RNF180: variants seen among roughly 807,000 people sequenced by gnomAD.
The protein encoded by RNF180 is E3 ubiquitin-protein ligase RNF180.
RNF180 carries 38 observed loss-of-function variants against 59.2 expected under a neutral mutation model. The observed-to-expected ratio is 0.64, with a 90% CI of 0.50 to 0.84. RNF180 has a LOEUF of 0.84. Ranked by LOEUF, RNF180 falls within the 40% of genes least tolerant of loss-of-function variation. The probability of loss-of-function intolerance (pLI) is 0.00; values close to 1 mark genes in which losing one functional copy is unlikely to be tolerated. For synonymous variants in RNF180, 262 were observed against 240.3 expected (o/e 1.09, Z -0.84); for missense variants, 705 against 700.9 (o/e 1.01, Z -0.07).
In RNF180 at chr5:64,371,373, C is replaced by G. The variant is rs929015123; in HGVS notation, c.*1559C>G. The G allele has an allele frequency of 6.6e-6, 1 of 151,498 alleles. No homozygotes were observed. The highest frequency in any genetic ancestry group is 2.4e-5 in the African/African-American group (1 of 41,368). The allele number at this position is 151,498 out of a possible 1,614,324, so 9.4% of individuals were successfully genotyped here. ...TTGAAAACACACATATGAGGAGTTG[C>G]ATTATTTTAAGAACTTTAAATTGCA... is the stretch of plus-strand genomic sequence containing the variant. On this transcript the variant is annotated 3_prime_UTR_variant, in exon 8 of 8. Coordinates refer to ENST00000389100, the MANE Select transcript of RNF180 (RefSeq NM_001113561.2).
intron 5 of RNF180, among the ~76,000 whole-genome samples, chr5:64,260,604 C>T (rs1192885534): frequency 2.6e-5 from 4 of 152,132 alleles, no homozygotes; most frequent in Non-Finnish European, 4.4e-5. Context: ...CTTAGGTGGA[C>T]TTGCCTATTT....
intron 5 of RNF180, among the ~76,000 whole-genome samples, chr5:64,224,062 GGT>G (rs10694125): frequency 0.15 from 21,083 of 141,058 alleles, 1,474 homozygotes; most frequent in South Asian, 0.17. Flanking sequence ...TCTAGGTTGG[GGT>G]GTGTGTGTGT....
intron 5 of RNF180, among the ~76,000 whole-genome samples, chr5:64,292,778 T>G (rs1042272577): frequency 1.3e-5 from 2 of 152,146 alleles, no homozygotes; most frequent in African/African-American, 4.8e-5. Flanking sequence ...CCCATGGGGC[T>G]TCATTCCATA....
At chr5:64,337,754 G>GTGTT (rs1745191718) in intron 7 of RNF180, among the ~76,000 whole-genome samples, 1 of 149,406 alleles carries the variant, frequency 6.7e-6, no homozygotes. Flanking sequence ...AGAACATGCG[G>GTGTT]TGTTTGGTTT....
intron 5 of RNF180, among the ~76,000 whole-genome samples, chr5:64,263,298 C>T (rs1250869738): frequency 1.3e-5 from 2 of 152,092 alleles, no homozygotes; most frequent in Non-Finnish European, 2.9e-5. Flanking sequence ...CAGTGAGAAG[C>T]CCCAATTTGT....
chr5:64,177,675 T>C (rs1053505900), intron 1 of RNF180, among the ~76,000 whole-genome samples: 28 of 151,836 alleles, frequency 1.8e-4, no homozygotes, highest in Middle Eastern at 3.4e-3. Flanking sequence ...ACTCTGATAC[T>C]CTGGTATAAA....
chr5:64,326,562 T>A (rs531552700), intron 6 of RNF180, among the ~76,000 whole-genome samples: 13 of 152,168 alleles, frequency 8.5e-5, no homozygotes, highest in Non-Finnish European at 1.3e-4. Context: ...GTTTGTAACC[T>A]TTTAACAGTT....
At chr5:64,311,861 A>G (rs528487991) in intron 5 of RNF180, among the ~76,000 whole-genome samples, 574 of 152,132 alleles carry the variant, frequency 3.8e-3, no homozygotes, top group Non-Finnish European at 6.7e-3. Flanking sequence ...CCCTGAGGAT[A>G]GGGTTTTTCC....
chr5:64,351,300 T>G (rs1373317652), intron 7 of RNF180, among the ~76,000 whole-genome samples: 2 of 152,188 alleles, frequency 1.3e-5, no homozygotes, highest in Non-Finnish European at 2.9e-5. Flanking sequence ...AAGGAGATTT[T>G]GGGCTGAGAT....
chr5:64,360,001 G>A (rs1746185698), intron 7 of RNF180, among the ~76,000 whole-genome samples: 1 of 151,998 alleles, frequency 6.6e-6, no homozygotes, highest in Non-Finnish European at 1.5e-5. Context: ...CTATATCTCT[G>A]TTTTGGTACC....
At chr5:64,350,262 TG>T (rs1452060183) in intron 7 of RNF180, among the ~76,000 whole-genome samples, 11 of 152,286 alleles carry the variant, frequency 7.2e-5, no homozygotes, top group African/African-American at 2.4e-4. Context: ...GTGATGGGGT[TG>T]TTTTTTTTCT....
At chr5:64,250,492 T>A (rs1034937938) in intron 5 of RNF180, among the ~76,000 whole-genome samples, 1 of 151,880 alleles carries the variant, frequency 6.6e-6, no homozygotes, top group Admixed American at 6.6e-5. Context: ...GGGGTTTTTT[T>A]AAAGAGAAAA....
chr5:64,167,050 C>T (rs1749683054), intron 1 of RNF180, among the ~76,000 whole-genome samples: 1 of 152,140 alleles, frequency 6.6e-6, no homozygotes, highest in Non-Finnish European at 1.5e-5. Context: ...TCATTTGAGT[C>T]GTAGAAAGAA....
intron 7 of RNF180, among the ~76,000 whole-genome samples, chr5:64,335,993 T>G (rs949946625): frequency 1.3e-5 from 2 of 152,184 alleles, no homozygotes; most frequent in Non-Finnish European, 2.9e-5. Flanking sequence ...CTAGATTTAT[T>G]CCCATGTACT....
At chr5:64,329,155 A>G (rs186100458) in intron 6 of RNF180, among the ~76,000 whole-genome samples, 1 of 152,354 alleles carries the variant, frequency 6.6e-6, no homozygotes, top group African/African-American at 2.4e-5. Context: ...TGGTCAACCC[A>G]TCACATATAG....
At chr5:64,361,946 G>A (rs918014633) in intron 7 of RNF180, among the ~76,000 whole-genome samples, 2 of 151,356 alleles carry the variant, frequency 1.3e-5, no homozygotes, top group Non-Finnish European at 3.0e-5. Flanking sequence ...TTGGATATTA[G>A]AGTGGTTTGT....
At chr5:64,259,860 G>A (rs1744218360) in intron 5 of RNF180, among the ~76,000 whole-genome samples, 1 of 152,128 alleles carries the variant, frequency 6.6e-6, no homozygotes, top group Non-Finnish European at 1.5e-5. Flanking sequence ...GGCGGAGGTT[G>A]TGGTGAGCCA....
At chr5:64,209,263 G>A (rs952753017) in intron 2 of RNF180, among the ~76,000 whole-genome samples, 2 of 151,930 alleles carry the variant, frequency 1.3e-5, no homozygotes, top group African/African-American at 4.8e-5. Flanking sequence ...ACCTACAACT[G>A]TGACTCCAGT....
At chr5:64,323,290 C>T (rs1744463961) in intron 5 of RNF180, among the ~76,000 whole-genome samples, 1 of 152,000 alleles carries the variant, frequency 6.6e-6, no homozygotes, top group Admixed American at 6.6e-5. Flanking sequence ...GCCTGTAATC[C>T]CAGCACTTTG....
Sources: allele counts gnomAD v4.1 joint callset (sites outside exome capture counted in the v4.1 genomes callset), GRCh38; gene constraint gnomAD v4.1.1; transcripts MANE v1.5; gene names NCBI Gene and HGNC (gene_info 2026-07-23, HGNC 2026-07-21).